Variants in GATB observed in about 807,000 individuals in gnomAD.
GATB encodes glutamyl-tRNA(Gln) amidotransferase subunit B, mitochondrial.
A neutral mutation model predicts 62.3 loss-of-function variants in GATB; 39 were observed. That is an observed-to-expected ratio of 0.63 (90% CI 0.48 to 0.82). The LOEUF is 0.82. Among genes scored for constraint, GATB ranks in the 40% least tolerant of loss-of-function variants. The pLI is 0.00. For missense variants in GATB, 670 were observed against 684.0 expected (o/e 0.98, Z 0.23); for synonymous variants, 276 against 258.9 (o/e 1.07, Z -0.63).
At chr4:151,731,794 C>A (rs1250439043) in intron 2 of GATB, among the ~76,000 whole-genome samples, 2 of 151,938 alleles carry the variant, frequency 1.3e-5, no homozygotes, top group African/African-American at 4.8e-5. Context: ...AGGAGCGTCT[C>A]TGCCCGGCCG....
chr4:151,700,007 G>A (rs1357412057), intron 9 of GATB, among the ~76,000 whole-genome samples: 2 of 152,150 alleles, frequency 1.3e-5, no homozygotes, highest in Non-Finnish European at 2.9e-5. Context: ...AAAAGGTAGG[G>A]CTAGAATTCA....
Position 151,703,910 on chromosome 4 carries a change from T to C in GATB, c.963-15A>G. On this transcript the variant is annotated splice_polypyrimidine_tract_variant and intron_variant, in intron 7 of 12. Transcript: ENST00000263985. ...ACATGGTGCACCTGCAATAGTTAAA[T>C]AAGAAAACATTAAACATTGAAAGCA... 4 of 1,591,654 alleles carry C rather than the reference T, an allele frequency of 2.5e-6. No homozygotes were observed. Among genetic ancestry groups the C allele is most frequent in the Non-Finnish European group, 2.6e-6 (3 of 1,160,330 alleles).
intron 8 of GATB, among the ~76,000 whole-genome samples, chr4:151,702,793 G>A (rs1560849737): frequency 6.6e-6 from 1 of 152,118 alleles, no homozygotes; most frequent in Non-Finnish European, 1.5e-5. Context: ...TTGTCAAAGG[G>A]CTTATGTAGA....
chr4:151,706,066 C>T (rs1738707753), intron 6 of GATB, among the ~76,000 whole-genome samples: 1 of 152,226 alleles, frequency 6.6e-6, no homozygotes, highest in African/African-American at 2.4e-5. Context: ...ACCCTTTTAT[C>T]TGAGTTGCTA....
intron 9 of GATB, among the ~76,000 whole-genome samples, chr4:151,701,075 C>A (rs115949381): frequency 1.5e-3 from 226 of 152,268 alleles, no homozygotes; most frequent in African/African-American, 5.2e-3. Flanking sequence ...TGTGGTCAGG[C>A]GTTCATTTCT....
At chr4:151,727,611 C>T (rs1216208385) in intron 2 of GATB, among the ~76,000 whole-genome samples, 1 of 152,180 alleles carries the variant, frequency 6.6e-6, no homozygotes, top group Admixed American at 6.5e-5. Context: ...TCTGAGAAGA[C>T]ATATACTAAT....
chr4:151,720,855 G>A (rs571796906), intron 2 of GATB: 1 of 149,176 alleles, frequency 6.7e-6, no homozygotes, highest in South Asian at 2.1e-4. Context: ...GGGATGACGA[G>A]TGTAGACCAA....
At chr4:151,711,898 T>C (rs1417305316) in intron 5 of GATB, among the ~76,000 whole-genome samples, 1 of 152,198 alleles carries the variant, frequency 6.6e-6, no homozygotes, top group African/African-American at 2.4e-5. Context: ...TCCCGGTAAG[T>C]TCTACAGTTC....
intron 2 of GATB, among the ~76,000 whole-genome samples, chr4:151,747,366 G>A (rs1739623146): frequency 6.6e-6 from 1 of 152,158 alleles, no homozygotes; most frequent in African/African-American, 2.4e-5. Context: ...GCTACTTCAG[G>A]CCATAGGTGA....
rs761557256 is a variant in GATB at position 151,708,039 on chromosome 4, G to T, written c.826C>A (p.Arg276=). The part of the protein sequence containing the change: ...VHHPGEPLGV[R]TEVKNLNSIR... ...CTGTTGAGATTCTTCACTTCCGTTC[G>T]AACGCCCAAAGGCTCCCCAGGGTGA... Residue 276 remains arginine, a synonymous_variant, in exon 6 of 13, where the codon CGA becomes AGA. Coordinates refer to ENST00000263985, the MANE Select transcript of GATB (RefSeq NM_004564.3). 1.2e-5 allele frequency: 19 copies of T among 1,614,008 alleles called. No homozygotes were observed. In the African/African-American group the frequency reaches 2.0e-4, roughly 17 times the overall value.
chr4:151,700,466 T>C (rs1178783330), intron 9 of GATB, among the ~76,000 whole-genome samples: 1 of 152,200 alleles, frequency 6.6e-6, no homozygotes, highest in Non-Finnish European at 1.5e-5. Context: ...TGCTAGGATG[T>C]TGTTATTGGA....
At chr4:151,692,191 C>T (rs776363694) in intron 9 of GATB, among the ~76,000 whole-genome samples, 2 of 152,182 alleles carry the variant, frequency 1.3e-5, no homozygotes, top group Admixed American at 6.5e-5. Context: ...GATGAGGACA[C>T]GAGGCACTAG....
At chr4:151,719,589 G>T in intron 2 of GATB, 51 bp from the exon 3 acceptor site, 1 of 1,253,534 alleles carries the variant, frequency 8.0e-7, no homozygotes, top group Non-Finnish European at 1.1e-6. Context: ...CTGAACAAAT[G>T]CTTCTCCCAC....
In GATB at chr4:151,708,191, A is replaced by G; in HGVS notation, c.764-90T>C. 14 of 816,970 alleles carry G rather than the reference A, an allele frequency of 1.7e-5. No homozygotes were observed. In the South Asian group the frequency reaches 2.0e-4, roughly 12 times the overall value. The allele number at this position is 816,970 out of a possible 1,614,324, so 50.6% of individuals were successfully genotyped here. ...GGGAGTGTCAAAGGAAGCAGCATCTAACTCTACCTGCTGTTTAGTTATAGC... is the reference window on the plus strand; with the variant it reads ...GGGAGTGTCAAAGGAAGCAGCATCTGACTCTACCTGCTGTTTAGTTATAGC... On this transcript the variant is annotated intron_variant, in intron 5 of 12. Coordinates refer to ENST00000263985, the MANE Select transcript of GATB (RefSeq NM_004564.3).
intron 5 of GATB, among the ~76,000 whole-genome samples, chr4:151,712,822 T>C (rs889848458): frequency 6.6e-6 from 1 of 152,216 alleles, no homozygotes; most frequent in African/African-American, 2.4e-5. Context: ...CATTCATTAG[T>C]ACATTTCTTG....
At chr4:151,726,121 T>C (rs930918848) in intron 2 of GATB, among the ~76,000 whole-genome samples, 2 of 152,390 alleles carry the variant, frequency 1.3e-5, no homozygotes, top group African/African-American at 2.4e-5. Flanking sequence ...GGATATAGCA[T>C]GGTAAATGCT....
intron 9 of GATB, among the ~76,000 whole-genome samples, chr4:151,697,243 A>G (rs552470919): frequency 1.4e-4 from 21 of 152,366 alleles, no homozygotes; most frequent in South Asian, 2.1e-4. Flanking sequence ...GCGTCCATCA[A>G]TGGATGACTG....
chr4:151,672,932 G>A, intron 11 of GATB, 36 bp from the exon 12 acceptor site: 1 of 1,610,604 alleles, frequency 6.2e-7, no homozygotes, highest in Non-Finnish European at 8.5e-7. Context: ...AGAGAAATGA[G>A]AAGTCAGCTC....
chr4:151,754,834 T>C (rs1167379290), intron 2 of GATB, among the ~76,000 whole-genome samples: 1 of 152,248 alleles, frequency 6.6e-6, no homozygotes, highest in African/African-American at 2.4e-5. Context: ...CTTAATTCTC[T>C]ATACATCTCT....
Sources: gnomAD v4.1 joint callset for allele counts (sites outside exome capture counted in the v4.1 genomes callset) on GRCh38, gnomAD v4.1.1 for gene constraint, MANE v1.5 for transcripts, NCBI Gene and HGNC (gene_info 2026-07-23, HGNC 2026-07-21) for gene names.